Variants in USP42 observed in about 807,000 individuals in gnomAD.
The protein encoded by USP42 is ubiquitin carboxyl-terminal hydrolase 42.
Under a neutral mutation model 113.0 loss-of-function variants are expected in USP42, and 23 were observed. The observed-to-expected ratio is 0.20, with a 90% CI of 0.15 to 0.29. USP42 has a LOEUF of 0.29. USP42 is among the 10% of genes least tolerant of loss of function. USP42 has a pLI of 1.00. For missense variants in USP42, 2,174 were observed against 1,779.8 expected (o/e 1.22, Z -3.99); for synonymous variants, 933 against 699.0 (o/e 1.33, Z -5.28).
At chr7:6,116,545 G>C in intron 3 of USP42, 1 of 307,326 alleles carries the variant, frequency 3.3e-6, no homozygotes, top group Non-Finnish European at 6.1e-6. Flanking sequence ...TTAGTTACTA[G>C]GATTTAAAAA....
In USP42 at chr7:6,157,023, A is replaced by C. The variant is rs1275865332; in HGVS notation, c.3911A>C (p.Asp1304Ala). Residue 1304 changes from aspartate (D) to alanine (A), a missense_variant, in exon 16 of 18, where the codon GAT becomes GCT. Physicochemically the swap from Asp to Ala is moderately radical, Grantham distance 126. Coordinates refer to ENST00000306177, the MANE Select transcript of USP42 (RefSeq NM_032172.3). This position sits in a 1 kb window ranked among gnomAD's most constrained non-coding sequence, Gnocchi z 4.1. Reference protein sequence around the residue: ...KTKHLRMESRDDRCRLFEYGQ... With the variant: ...KTKHLRMESRADRCRLFEYGQ... ...AAACACTTACGGATGGAAAGCAGGG[A>C]TGACAGGTGTCGTCTCTTTGAGTAT... 1.2e-6 allele frequency: 2 copies of C among 1,612,082 alleles called. No individual in the cohort carries two copies. Among genetic ancestry groups the C allele is most frequent in the Non-Finnish European group, 1.7e-6 (2 of 1,179,346 alleles).
At chr7:6,098,660 TC>T in the USP42 span, among the ~76,000 whole-genome samples, 1 of 150,474 alleles carries the variant, frequency 6.6e-6, no homozygotes, top group Non-Finnish European at 1.5e-5. Flanking sequence ...CAAACGATTC[TC>T]CTGCCTCAGC....
At chr7:6,101,318 C>T (rs1406280887), upstream of USP42, among the ~76,000 whole-genome samples, 2 of 151,210 alleles carry the variant, frequency 1.3e-5, no homozygotes, top group Non-Finnish European at 2.9e-5. Flanking sequence ...ATAAAATTCA[C>T]CCCTTCCTGA....
At chr7:6,095,841 C>A in the USP42 span, among the ~76,000 whole-genome samples, 1 of 151,028 alleles carries the variant, frequency 6.6e-6, no homozygotes, top group South Asian at 2.1e-4. Flanking sequence ...CATCTCACTG[C>A]AGTCTACACC....
chr7:6,121,241 C>T (rs1206275635), intron 3 of USP42, among the ~76,000 whole-genome samples: 3 of 152,030 alleles, frequency 2.0e-5, no homozygotes, highest in Admixed American at 1.3e-4. Context: ...AGAGGAAAAG[C>T]ATTCAGTCTT....
At chr7:6,111,586 T>A (rs1779599614) in intron 2 of USP42, among the ~76,000 whole-genome samples, 1 of 151,846 alleles carries the variant, frequency 6.6e-6, no homozygotes, top group Non-Finnish European at 1.5e-5. Flanking sequence ...AGAATATTAT[T>A]AGTTTCTTTT....
chr7:6,100,384 C>T (rs1790083670), upstream of USP42, among the ~76,000 whole-genome samples: 1 of 150,746 alleles, frequency 6.6e-6, no homozygotes, highest in Admixed American at 6.6e-5. Flanking sequence ...GGCTGGAGTG[C>T]AATGGTATGG....
chr7:6,154,952 C>T lies in USP42; in HGVS notation c.3398C>T (p.Ser1133Phe). 1.3e-6 allele frequency: 2 copies of T among 1,556,176 alleles called. No individual in the cohort carries two copies. Among genetic ancestry groups the T allele is most frequent in the East Asian group, 2.4e-5 (1 of 41,328 alleles). ...HALAPHPDRF[S>F]HDRTALVAGD... is the part of the protein sequence containing the mutation. ...CTCGCCCCGCACCCCGACCGCTTCT[C>T]CCACGACAGAACTGCACTTGTAGCC... The change falls in exon 15 of 18, where the codon TCC (serine) becomes TTC (phenylalanine). Residue 1133 changes from serine to phenylalanine, a missense_variant. Transcript: ENST00000306177.
At chr7:6,104,170 C>G (rs1319202982), upstream of USP42, among the ~76,000 whole-genome samples, 2 of 151,388 alleles carry the variant, frequency 1.3e-5, no homozygotes, top group Non-Finnish European at 2.9e-5. Flanking sequence ...GCAACCTCCG[C>G]CTCCCGGGTT....
At chr7:6,105,377 G>C (rs1420333373) in intron 1 of USP42, among the ~76,000 whole-genome samples, 3 of 149,144 alleles carry the variant, frequency 2.0e-5, no homozygotes, top group Non-Finnish European at 3.0e-5. Context: ...CGCCCCTTCG[G>C]CCTGGGGGCC....
At chr7:6,149,485 A>C in intron 12 of USP42, 98 bp from the exon 13 acceptor site, 1 of 1,469,004 alleles carries the variant, frequency 6.8e-7, no homozygotes, top group Non-Finnish European at 9.0e-7. Flanking sequence ...CTGAAAAAAA[A>C]AAAAAGCAAA....
intron 3 of USP42, among the ~76,000 whole-genome samples, chr7:6,118,175 C>G (rs1403168184): frequency 6.6e-6 from 1 of 152,022 alleles, no homozygotes; most frequent in African/African-American, 2.4e-5. Context: ...AGGTAGATCA[C>G]TTGAGCCCAG....
intron 3 of USP42, among the ~76,000 whole-genome samples, chr7:6,123,127 G>A (rs779824399): frequency 3.9e-5 from 6 of 152,116 alleles, no homozygotes; most frequent in Non-Finnish European, 8.8e-5. Context: ...CACCTGGCCT[G>A]TTATGCCCTC....
intron 2 of USP42, among the ~76,000 whole-genome samples, chr7:6,114,678 ATTTTTTT>A (rs869283400): frequency 5.3e-5 from 1 of 18,874 alleles, no homozygotes; most frequent in Non-Finnish European, 7.5e-5. Context: ...ATATATATAT[ATTTTTTT>A]TTTTTTTTTT....
chr7:6,131,324 C>G (rs1780840193), intron 3 of USP42, among the ~76,000 whole-genome samples: 1 of 151,878 alleles, frequency 6.6e-6, no homozygotes, highest in African/African-American at 2.4e-5. Context: ...GAAATACAAA[C>G]ATTAGCCGGG....
At chr7:6,092,821 T>C in the USP42 span, among the ~76,000 whole-genome samples, 4 of 151,454 alleles carry the variant, frequency 2.6e-5, no homozygotes, top group Admixed American at 2.6e-4. Context: ...GAAGATTAAA[T>C]ATATCCCTCC....
At chr7:6,090,534 G>A in the USP42 span, among the ~76,000 whole-genome samples, 2 of 145,854 alleles carry the variant, frequency 1.4e-5, no homozygotes, top group Admixed American at 1.4e-4. Context: ...GGCTAACATG[G>A]TGAAACCCCA....
At chr7:6,135,807 T>G (rs1457951189) in intron 3 of USP42, 34 bp from the exon 4 acceptor site, 1 of 1,413,180 alleles carries the variant, frequency 7.1e-7, no homozygotes, top group Non-Finnish European at 9.8e-7. Flanking sequence ...TGGTTGTATT[T>G]TGCTAATTTG....
At chr7:6,092,963 G>C in the USP42 span, 1 of 150,814 alleles carries the variant, frequency 6.6e-6, no homozygotes, top group Non-Finnish European at 1.5e-5. Context: ...GTAAGGTTCA[G>C]AGAACTTAAC....
Sources: allele counts gnomAD v4.1 joint callset (sites outside exome capture counted in the v4.1 genomes callset), GRCh38; gene constraint gnomAD v4.1.1; non-coding constraint Gnocchi (gnomAD v3.1); transcripts MANE v1.5; gene names NCBI Gene and HGNC (gene_info 2026-07-23, HGNC 2026-07-21).